The following MAN2C1 variants were observed in gnomAD, a reference collection of about 807,000 sequenced individuals.
MAN2C1 encodes mannosidase alpha class 2C member 1.
Under a neutral mutation model 126.9 loss-of-function variants are expected in MAN2C1, and 111 were observed. That is an observed-to-expected ratio of 0.87 (90% CI 0.75 to 1.02). The LOEUF is 1.02. Ranked by LOEUF, MAN2C1 falls within the 50% of genes least tolerant of loss-of-function variation. MAN2C1 has a pLI of 0.00. For missense variants in MAN2C1, 1,363 were observed against 1,364.4 expected, an observed-to-expected ratio of 1.00 and a Z score of 0.02; for synonymous variants, 567 against 561.5, an observed-to-expected ratio of 1.01 and a Z score of -0.14.
In MAN2C1 at chr15:75,361,884, G is replaced by A. The variant is rs772637862; in HGVS notation, c.1072C>T (p.Leu358=). The stretch of plus-strand genomic sequence containing the variant: ...GAGCACATCTTCCCAAACTCCTGCA[G>A]AAAGAAGTTCTGGCCCTGCAAAAAC... ...RQFLQGQNFF[L]QEFGKMCSEF... The change falls in exon 9 of 26, where the codon CTG becomes TTG. Residue 358 remains leucine, a synonymous_variant. Transcript: ENST00000267978. This position sits in a 1 kb window ranked among gnomAD's most constrained non-coding sequence, Gnocchi z 5.0. The A allele has an allele frequency of 6.2e-7, 1 of 1,614,134 alleles. No homozygotes were observed. Among genetic ancestry groups the A allele is most frequent in the East Asian group, 2.2e-5 (1 of 44,886 alleles).
In MAN2C1 at chr15:75,368,066, T is replaced by A. The variant is rs758194535; in HGVS notation, c.227+7A>T. The A allele has an allele frequency of 1.2e-6, 2 of 1,603,390 alleles. No individual in the cohort carries two copies. The highest frequency in any genetic ancestry group is 3.4e-5 in the Admixed American group (2 of 59,028). ...GTGGCCCCGCCCACCCGCTGGGCGT[T>A]ACCTACGTGGGTCCGAAGCTGTCGC... On this transcript the variant is annotated splice_region_variant and intron_variant, in intron 2 of 25. Coordinates refer to ENST00000267978, the MANE Select transcript of MAN2C1 (RefSeq NM_006715.4).
At chr15:75,365,950 G>A (rs775458714) in intron 4 of MAN2C1, 1 of 434,620 alleles carries the variant, frequency 2.3e-6, no homozygotes, top group South Asian at 1.6e-5. Context: ...AGCTGGACGT[G>A]GTGGCACACA....
rs540098471 is a variant in MAN2C1 at position 75,366,539 on chromosome 15, C to T, written c.405G>A (p.Gly135=). Reference sequence around the variant, plus strand: ...GGACTCACCTTCGGGGGTCTCTTTCCCCCAGCCTGTCAGTCAGGACATAGC... The same window carrying T: ...GGACTCACCTTCGGGGGTCTCTTTCTCCCAGCCTGTCAGTCAGGACATAGC... ...KTSYVLTDRL[G]ERDPRSLTLY... is the part of the protein sequence containing the mutation. Residue 135 remains glycine, a synonymous_variant, in exon 4 of 26, where the codon GGG becomes GGA. Transcript: ENST00000267978. 6.2e-7 allele frequency: 1 copy of T among 1,613,672 alleles called. No homozygotes were observed. The highest frequency in any genetic ancestry group is 1.3e-5 in the African/African-American group (1 of 75,058).
Position 75,360,688 on chromosome 15 carries a change from C to T in MAN2C1, c.1461G>A (p.Arg487=). 1 of 1,613,270 alleles carries T rather than the reference C, an allele frequency of 6.2e-7. No individual in the cohort carries two copies. Among genetic ancestry groups the T allele is most frequent in the African/African-American group, 1.3e-5 (1 of 75,046 alleles). ...KRLSNTDGLP[R]VQLSSPRQLF... Reference sequence around the variant, plus strand: ...GCTGTCTTGGAGAAGATAGCTGCACCCTGAGGAGACCACAAGCCTAGGTCT... The same window carrying T: ...GCTGTCTTGGAGAAGATAGCTGCACTCTGAGGAGACCACAAGCCTAGGTCT... The change falls in exon 13 of 26, where the codon AGG becomes AGA. Residue 487 remains arginine (R), a splice_region_variant and synonymous_variant. Coordinates refer to ENST00000267978, the MANE Select transcript of MAN2C1 (RefSeq NM_006715.4).
intron 4 of MAN2C1, chr15:75,366,002 G>A (rs1237663289): frequency 2.0e-5 from 8 of 409,362 alleles, no homozygotes; most frequent in Admixed American, 5.9e-5. Context: ...CATGAGAATC[G>A]CTTGAACCTG....
Position 75,356,628 on chromosome 15 carries a change from G to C in MAN2C1, c.2715C>G (p.Thr905=). The C allele has an allele frequency of 6.4e-7, 1 of 1,566,444 alleles. No homozygotes were observed. Among genetic ancestry groups the C allele is most frequent in the Non-Finnish European group, 8.7e-7 (1 of 1,155,974 alleles). ...CACCCTTGTGCGGCATCAGTGCATA[G>C]GTGAACTCGTGGCGCCCCGTGTCAG... ...ATADTGRHEF[T]YALMPHKGSF... is the part of the protein sequence containing the mutation. The change falls in exon 23 of 26, where the codon ACC becomes ACG. Residue 905 remains threonine, a synonymous_variant. Transcript: ENST00000267978. This position sits in a 1 kb window ranked among gnomAD's most constrained non-coding sequence, Gnocchi z 5.8.
intron 17 of MAN2C1, 21 bp downstream of exon 17, chr15:75,359,307 C>A (rs768982582): frequency 7.0e-6 from 11 of 1,575,954 alleles, no homozygotes; most frequent in Middle Eastern, 1.7e-4. Context: ...GTTCCTGCCC[C>A]CCAGGGCATG....
Position 75,356,984 on chromosome 15 carries a change from C to G in MAN2C1, c.2548-82G>C, listed in dbSNP as rs561014273. 113 of 1,143,600 alleles carry G rather than the reference C, an allele frequency of 9.9e-5. No homozygotes were observed. In the African/African-American group the frequency reaches 1.6e-3, roughly 16 times the overall value. The allele number at this position is 1,143,600 out of a possible 1,614,324, so 70.8% of individuals were successfully genotyped here. A position where few individuals can be genotyped will look rare whatever the true frequency, so the allele number is the denominator to read the frequency against. The stretch of plus-strand genomic sequence containing the variant: ...GACTCCAGAGCTCCTGTCACTAGGC[C>G]GAGCACAAGCTCTAGAACCACACAA... On this transcript the variant is annotated intron_variant, in intron 21 of 25. Transcript: ENST00000267978. The surrounding 1 kb of genome is among the most constrained non-coding windows in gnomAD (Gnocchi z 5.8).
intron 13 of MAN2C1, 175 bp downstream of exon 13, chr15:75,360,390 C>T: frequency 3.1e-6 from 4 of 1,288,372 alleles, no homozygotes; most frequent in Non-Finnish European, 4.2e-6. Context: ...ACCCTTCTTT[C>T]TTCAGGGGTT....
At chr15:75,365,287 C>T (rs1372422912) in intron 4 of MAN2C1, among the ~76,000 whole-genome samples, 7 of 137,462 alleles carry the variant, frequency 5.1e-5, no homozygotes, top group Non-Finnish European at 9.3e-5. Flanking sequence ...ACCATACTCC[C>T]AGTGTCTGAA....
intron 18 of MAN2C1, 72 bp downstream of exon 18, chr15:75,358,987 G>A: frequency 6.3e-7 from 1 of 1,590,786 alleles, no homozygotes; most frequent in African/African-American, 1.3e-5. Flanking sequence ...GCAGTGTTGT[G>A]GCAAGGGGAG....
In MAN2C1 at chr15:75,363,998, C is replaced by A; in HGVS notation, c.790+1G>T. 1 of 1,614,042 alleles carries A rather than the reference C, an allele frequency of 6.2e-7. No individual in the cohort carries two copies. The highest frequency in any genetic ancestry group is 8.5e-7 in the Non-Finnish European group (1 of 1,179,974). The stretch of plus-strand genomic sequence containing the variant: ...GCCAGCCCAACCAGCTGCTGTCCTA[C>A]CTGTATCAATGTGGCAGTGCCCTGT... On this transcript the variant is annotated splice_donor_variant, in intron 6 of 25. Transcript: ENST00000267978. LOFTEE classifies it high-confidence loss of function.
chr15:75,362,278 C>T lies in MAN2C1; in HGVS notation c.1008+65G>A, dbSNP rs1015089369. On this transcript the variant is annotated intron_variant, in intron 8 of 25. Coordinates refer to ENST00000267978, the MANE Select transcript of MAN2C1 (RefSeq NM_006715.4). This position sits in a 1 kb window ranked among gnomAD's most constrained non-coding sequence, Gnocchi z 4.5. The stretch of plus-strand genomic sequence containing the variant: ...AAACTCACCAGCAAAGCCGGGAGGG[C>T]GGGGCTACCTGAGGGAAGGCTGTTG... 3.5e-6 allele frequency: 5 copies of T among 1,434,904 alleles called. No homozygotes were observed. The highest frequency in any genetic ancestry group is 1.8e-4 in the Middle Eastern group (1 of 5,648). The allele number at this position is 1,434,904 out of a possible 1,614,324, so 88.9% of individuals were successfully genotyped here.
intron 21 of MAN2C1, chr15:75,357,618 T>C (rs1274977555): frequency 2.5e-5 from 3 of 122,266 alleles, no homozygotes; most frequent in African/African-American, 1.0e-4. Flanking sequence ...AATTTTTGTA[T>C]TTTTTTTTTT....
rs1036913846 is a variant in MAN2C1 at position 75,367,573 on chromosome 15, C to T, written c.289G>A (p.Val97Ile). 1.9e-6 allele frequency: 3 copies of T among 1,614,228 alleles called. No homozygotes were observed. The highest frequency in any genetic ancestry group is 2.5e-6 in the Non-Finnish European group (3 of 1,180,038). Residue 97 changes from valine (V) to isoleucine (I), a missense_variant, in exon 3 of 26, where the codon GTT (valine) becomes ATT (isoleucine). This residue lies in a region of MAN2C1 where 628 missense variants were observed against 609.8 expected (regional missense o/e 1.03). Transcript: ENST00000267978. ...TIPEAWVGQE[V>I]HLCWESDGEG... ...CCATCACTTTCCCAGCAAAGGTGAACTTCCTGGCCCACCCATGCCTCTGGG... is the reference window on the plus strand; with the variant it reads ...CCATCACTTTCCCAGCAAAGGTGAATTTCCTGGCCCACCCATGCCTCTGGG...
chr15:75,359,232 G>A (rs1391894193), intron 17 of MAN2C1, 79 bp from the exon 18 acceptor site: 30 of 739,294 alleles, frequency 4.1e-5, no homozygotes, highest in African/African-American at 7.3e-5. Context: ...CCCCAGCCCC[G>A]CCTCACCACT....
intron 13 of MAN2C1, 124 bp from the exon 14 acceptor site, chr15:75,360,335 G>A (rs567650205): frequency 2.6e-4 from 362 of 1,415,296 alleles, no homozygotes; most frequent in South Asian, 4.2e-4. Context: ...GGCCTCTGGC[G>A]GGTGACCTGC....
chr15:75,361,360 C>T lies in MAN2C1; in HGVS notation c.1240G>A (p.Gly414Ser). Residue 414 changes from glycine to serine, a missense_variant, in exon 11 of 26, where the codon GGC becomes AGC. Transcript: ENST00000267978. The surrounding 1 kb of genome is among the most constrained non-coding windows in gnomAD (Gnocchi z 5.0). ...SFPHHTFFWE[G>S]LDGSRVLVHF... ...ACCAGTACACGGGAGCCATCCAGGC[C>T]CTCCCAGAAAAATGTATGGTGCTAC... The T allele has an allele frequency of 6.4e-7, 1 of 1,564,728 alleles. No individual in the cohort carries two copies. The highest frequency in any genetic ancestry group is 8.7e-7 in the Non-Finnish European group (1 of 1,153,948).
At chr15:75,364,277 C>T in intron 5 of MAN2C1, 89 bp from the exon 6 acceptor site, 1 of 1,403,204 alleles carries the variant, frequency 7.1e-7, no homozygotes, top group Non-Finnish European at 9.5e-7. Flanking sequence ...AGCAGAGCTC[C>T]CCTGACCCCC....
Sources: allele counts gnomAD v4.1 joint callset (sites outside exome capture counted in the v4.1 genomes callset), GRCh38; gene constraint gnomAD v4.1.1; regional missense constraint gnomAD v4.1.1; non-coding constraint Gnocchi (gnomAD v3.1); transcripts MANE v1.5; gene names NCBI Gene and HGNC (gene_info 2026-07-23, HGNC 2026-07-21).